The following PLCG2 variants were observed in gnomAD, a reference collection of about 807,000 sequenced individuals.
PLCG2 encodes 1-phosphatidylinositol 4,5-bisphosphate phosphodiesterase gamma-2.
Under a neutral mutation model 175.6 loss-of-function variants are expected in PLCG2, and 69 were observed. That is an observed-to-expected ratio of 0.39 (90% CI 0.32 to 0.48). The LOEUF (loss-of-function observed/expected upper bound fraction) is 0.48, where lower values mean the gene tolerates loss of function less well. Ranked by LOEUF, PLCG2 falls within the 20% of genes least tolerant of loss-of-function variation. The pLI is 0.91. For synonymous variants in PLCG2, 827 were observed against 624.0 expected (o/e 1.33, Z -4.85); for missense variants, 1,798 against 1,650.9 (o/e 1.09, Z -1.54).
chr16:81,924,904 G>C (rs1910201632), intron 22 of PLCG2, among the ~76,000 whole-genome samples: 1 of 152,208 alleles, frequency 6.6e-6, no homozygotes, highest in South Asian at 2.1e-4. Context: ...CGGCTTTGCC[G>C]AAGTCCCTCC....
chr16:81,902,516 G>A (rs1909193056), intron 14 of PLCG2, among the ~76,000 whole-genome samples: 1 of 152,030 alleles, frequency 6.6e-6, no homozygotes, highest in Admixed American at 6.5e-5. Flanking sequence ...ATAACCATCT[G>A]GGACATGGAG....
intron 15 of PLCG2, 67 bp downstream of exon 15, chr16:81,905,574 C>T (rs1023141409): frequency 4.0e-6 from 4 of 1,005,434 alleles, no homozygotes; most frequent in Non-Finnish European, 6.3e-6. Flanking sequence ...TGGAGCCCTG[C>T]TGGGAGCTCT....
intron 24 of PLCG2, 71 bp downstream of exon 24, chr16:81,928,695 A>G (rs1326549715): frequency 7.9e-6 from 8 of 1,006,634 alleles, no homozygotes; most frequent in African/African-American, 7.9e-5. Context: ...GCCCCGCCCT[A>G]CACAGGGAGG....
At chr16:81,826,890 A>G (rs1905069719) in intron 2 of PLCG2, among the ~76,000 whole-genome samples, 1 of 152,152 alleles carries the variant, frequency 6.6e-6, no homozygotes, top group Non-Finnish European at 1.5e-5. Context: ...TTCTGTATCC[A>G]TTTGAGGTCT....
chr16:81,851,224 A>G (rs7204645), intron 2 of PLCG2, among the ~76,000 whole-genome samples: 6,399 of 152,336 alleles, frequency 0.042, 192 homozygotes, highest in African/African-American at 0.081. Flanking sequence ...CAAAAATAGT[A>G]CAGTTTCTGT....
chr16:81,879,980 C>G (rs1907998855), intron 7 of PLCG2, among the ~76,000 whole-genome samples: 1 of 152,174 alleles, frequency 6.6e-6, no homozygotes, highest in South Asian at 2.1e-4. Context: ...GAAATGTTGC[C>G]TGTAATCCCA....
intron 2 of PLCG2, among the ~76,000 whole-genome samples, chr16:81,756,252 C>G (rs188566657): frequency 1.3e-5 from 2 of 152,240 alleles, no homozygotes; most frequent in Admixed American, 1.3e-4. Flanking sequence ...TGGCCACTGC[C>G]CCCTACCGCC....
At chr16:81,873,806 C>T (rs1390539614) in intron 7 of PLCG2, among the ~76,000 whole-genome samples, 1 of 152,116 alleles carries the variant, frequency 6.6e-6, no homozygotes, top group African/African-American at 2.4e-5. Flanking sequence ...AAGATTTGCA[C>T]AAAAGCTGTT....
At chr16:81,906,705 T>A (rs986917805) in intron 15 of PLCG2, among the ~76,000 whole-genome samples, 1 of 152,210 alleles carries the variant, frequency 6.6e-6, no homozygotes, top group Non-Finnish European at 1.5e-5. Context: ...ATTACTGGCG[T>A]GGGCCACTGT....
intron 2 of PLCG2, among the ~76,000 whole-genome samples, chr16:81,830,983 A>C (rs920308360): frequency 1.3e-5 from 2 of 152,074 alleles, no homozygotes; most frequent in African/African-American, 4.8e-5. Flanking sequence ...CTCTTCCTAC[A>C]ACCAACCATA....
chr16:81,912,463 CTG>C (rs1909669028), intron 18 of PLCG2, 132 bp from the exon 19 acceptor site: 6 of 1,054,060 alleles, frequency 5.7e-6, no homozygotes, highest in Non-Finnish European at 8.1e-6. Flanking sequence ...GGGAAGCCCA[CTG>C]TGTGATTTCC....
At position 81,870,769 on chromosome 16, in the gene PLCG2, A is replaced by G. The variant is rs867076042; in HGVS notation, c.565-83A>G. On this transcript the variant is annotated intron_variant, in intron 6 of 32. Transcript: ENST00000564138. ...AATAAAATAGCATGCCATTTCTGAA[A>G]CAAAAATTATTCTATAAATAGCATG... 5 of 698,156 alleles carry G rather than the reference A, an allele frequency of 7.2e-6. No homozygotes were observed. In the Admixed American group the frequency reaches 1.2e-4, roughly 17 times the overall value. The allele number at this position is 698,156 out of a possible 1,614,324, so 43.2% of individuals were successfully genotyped here.
At chr16:81,883,566 C>A in intron 9 of PLCG2, 1 of 582,536 alleles carries the variant, frequency 1.7e-6, no homozygotes, top group Non-Finnish European at 3.1e-6. Context: ...AGCCTCATGT[C>A]GGGCCTCTTT....
intron 30 of PLCG2, among the ~76,000 whole-genome samples, chr16:81,942,655 G>A (rs778331322): frequency 6.6e-6 from 1 of 152,114 alleles, no homozygotes; most frequent in African/African-American, 2.4e-5. Context: ...CCTGTGAAAG[G>A]GGTTTTATCT....
At chr16:81,840,777 A>T (rs1464198924) in intron 2 of PLCG2, among the ~76,000 whole-genome samples, 1 of 152,084 alleles carries the variant, frequency 6.6e-6, no homozygotes, top group Non-Finnish European at 1.5e-5. Flanking sequence ...TGGCCTGGGG[A>T]TTGGGGACCC....
chr16:81,807,355 C>G (rs138696023), intron 2 of PLCG2, among the ~76,000 whole-genome samples: 4 of 152,300 alleles, frequency 2.6e-5, no homozygotes, highest in African/African-American at 9.6e-5. Flanking sequence ...GGAGGATGGG[C>G]TTCTCAGATC....
intron 2 of PLCG2, among the ~76,000 whole-genome samples, chr16:81,797,337 C>T (rs569728677): frequency 1.3e-5 from 2 of 152,116 alleles, no homozygotes; most frequent in South Asian, 2.1e-4. Context: ...GATATAAATG[C>T]GGGTTTTTGT....
intron 2 of PLCG2, among the ~76,000 whole-genome samples, chr16:81,828,265 A>T (rs113973665): frequency 0.15 from 10,561 of 69,412 alleles, 496 homozygotes; most frequent in Middle Eastern, 0.2. Flanking sequence ...TTTTTTTTTG[A>T]GACAGAATCT....
intron 7 of PLCG2, 98 bp downstream of exon 7, chr16:81,871,033 T>A: frequency 1.6e-6 from 1 of 618,152 alleles, no homozygotes; most frequent in Non-Finnish European, 2.8e-6. Context: ...AAGTGTTGAA[T>A]CTCCATTTTA....
Sources: gnomAD v4.1 joint callset for allele counts (sites outside exome capture counted in the v4.1 genomes callset) on GRCh38, gnomAD v4.1.1 for gene constraint, MANE v1.5 for transcripts, NCBI Gene and HGNC (gene_info 2026-07-23, HGNC 2026-07-21) for gene names.